Variants in TMEM225B observed in about 807,000 individuals in gnomAD.
TMEM225B encodes the protein transmembrane protein 225-like.
In TMEM225B, 10 loss-of-function variants were observed where a neutral mutation model predicts 16.9. The ratio of observed to expected loss-of-function variants is 0.59; its 90% CI spans 0.36 to 1.00. TMEM225B has a LOEUF of 1.00. Among genes scored for constraint, TMEM225B ranks in the 50% least tolerant of loss-of-function variants. The pLI, the probability that TMEM225B is intolerant of heterozygous loss-of-function variation, is 0.01. For synonymous variants in TMEM225B, 92 were observed against 109.8 expected, an observed-to-expected ratio of 0.84 and a Z score of 1.01; for missense variants, 217 against 267.0, an observed-to-expected ratio of 0.81 and a Z score of 1.30.
At chr7:99,603,224 C>T (rs750424970) in intron 2 of TMEM225B, among the ~76,000 whole-genome samples, 2 of 152,190 alleles carry the variant, frequency 1.3e-5, no homozygotes, top group Non-Finnish European at 2.9e-5. Context: ...GACCTCTCCC[C>T]ACCTAAACCC....
rs571911250 is a variant in TMEM225B at position 99,610,354 on chromosome 7, A to G, written c.494-39A>G. ...TGACCTCTAGGGCGTGGAGCTCTGG[A>G]CTTTCTCTGACCTGACCCAAACGTT... On this transcript the variant is annotated intron_variant, in intron 5 of 5. Coordinates refer to ENST00000431679, the MANE Select transcript of TMEM225B (RefSeq NM_001195541.3). 2.4e-5 allele frequency: 36 copies of G among 1,518,134 alleles called. No homozygotes were observed. In the African/African-American group the frequency reaches 4.5e-4, roughly 19 times the overall value. The allele number at this position is 1,518,134 out of a possible 1,614,324, so 94.0% of individuals were successfully genotyped here.
Position 99,604,146 on chromosome 7 carries a change from C to A in TMEM225B, c.-3-240C>A, listed in dbSNP as rs571671730. 4.6e-5 allele frequency among the ~76,000 whole-genome samples: 7 copies of A among 152,268 alleles called. No individual in the cohort carries two copies. In the East Asian group the frequency reaches 1.3e-3, roughly 29 times the overall value. On this transcript the variant is annotated intron_variant, in intron 2 of 5. Transcript: ENST00000431679. Reference sequence around the variant, plus strand: ...AGAGGAAGAGGGCTCAGAGAGGGAACCTGACATGCCCAAGATCACCCAGTG... The same window carrying A: ...AGAGGAAGAGGGCTCAGAGAGGGAAACTGACATGCCCAAGATCACCCAGTG...
chr7:99,604,099 A>G (rs1224043257), intron 2 of TMEM225B, among the ~76,000 whole-genome samples: 1 of 152,204 alleles, frequency 6.6e-6, no homozygotes, highest in Non-Finnish European at 1.5e-5. Context: ...TGAATGGCCC[A>G]GTTCAACCTC....
intron 3 of TMEM225B, 108 bp downstream of exon 3, chr7:99,604,704 T>C: frequency 2.3e-6 from 2 of 877,086 alleles, no homozygotes. Context: ...AAAATCTAAT[T>C]AGCTCAGGGC....
chr7:99,598,865 C>G (rs943831494), intron 1 of TMEM225B, among the ~76,000 whole-genome samples: 1 of 152,206 alleles, frequency 6.6e-6, no homozygotes, highest in Non-Finnish European at 1.5e-5. Context: ...GGCCTAGGGT[C>G]CAGGAACCTC....
intron 5 of TMEM225B, among the ~76,000 whole-genome samples, chr7:99,609,461 T>C (rs1415831701): frequency 1.3e-5 from 2 of 152,140 alleles, no homozygotes; most frequent in South Asian, 4.1e-4. Flanking sequence ...GTTCCCGAGA[T>C]GGAGTCTTGC....
chr7:99,600,447 C>T (rs546041595), intron 2 of TMEM225B, among the ~76,000 whole-genome samples, 162 bp downstream of exon 2: 41 of 152,218 alleles, frequency 2.7e-4, no homozygotes, highest in Non-Finnish European at 5.3e-4. Flanking sequence ...AGTCTGTTCT[C>T]ATGCTGCTAA....
chr7:99,606,710 G>A (rs1204120888), intron 3 of TMEM225B, 38 bp from the exon 4 acceptor site: 3 of 1,532,196 alleles, frequency 2.0e-6, no homozygotes, highest in Non-Finnish European at 1.7e-6. Context: ...TCCGGGTCAG[G>A]GTTCCCAGCT....
In TMEM225B at chr7:99,608,839, G is replaced by GTATATATATATATATA. The variant is rs72285430; in HGVS notation, c.493+1034_493+1049dup. ...CATACATATATGTGTGTGTGTGCACGTATATATATATATATATATACACAC... is the reference window on the plus strand; with the variant it reads ...CATACATATATGTGTGTGTGTGCACGTATATATATATATATATATATATATATATATATATACACAC... On this transcript the variant is annotated intron_variant, in intron 5 of 5. Coordinates refer to ENST00000431679, the MANE Select transcript of TMEM225B (RefSeq NM_001195541.3). 3.3e-3 allele frequency among the ~76,000 whole-genome samples: 442 copies of GTATATATATATATATA among 132,510 alleles called. 4 individuals are homozygous for GTATATATATATATATA. The highest frequency in any genetic ancestry group is 8.2e-3 in the African/African-American group (268 of 32,688). 86.9% of individuals were successfully genotyped at this position (132,510 alleles called of 152,430 possible).
chr7:99,607,219 T>C (rs900604087), intron 4 of TMEM225B, among the ~76,000 whole-genome samples: 15 of 151,992 alleles, frequency 9.9e-5, no homozygotes, highest in African/African-American at 3.6e-4. Flanking sequence ...GGCCTTGAAC[T>C]CCTGGTGTCA....
chr7:99,608,128 G>A (rs149560562), intron 5 of TMEM225B, among the ~76,000 whole-genome samples: 18 of 152,244 alleles, frequency 1.2e-4, no homozygotes, highest in African/African-American at 3.1e-4. Context: ...GATGGCACAT[G>A]TCTGCAATCC....
rs138124694 is a variant in TMEM225B at position 99,603,739 on chromosome 7, C to CTT, written c.-3-640_-3-639dup. Among the ~76,000 whole-genome samples the CTT allele has an allele frequency of 4.8e-5, 7 of 147,066 alleles. No individual in the cohort carries two copies. The East Asian group carries it at 9.9e-4, about 21-fold the overall frequency. ...GAAAGCTTAGAACTTTAGTTTTTTT[C>CTT]TTTTTTTTAAATTATTTAATTTTTT... On this transcript the variant is annotated intron_variant, in intron 2 of 5. Transcript: ENST00000431679.
intron 5 of TMEM225B, 109 bp downstream of exon 5, chr7:99,607,919 C>A: frequency 8.4e-7 from 1 of 1,191,286 alleles, no homozygotes; most frequent in South Asian, 1.7e-5. Flanking sequence ...TGTTCCAAAC[C>A]GCAGCTGCCA....
intron 2 of TMEM225B, among the ~76,000 whole-genome samples, chr7:99,601,913 C>T (rs1441584235): frequency 2.0e-5 from 3 of 152,242 alleles, no homozygotes; most frequent in Admixed American, 6.5e-5. Flanking sequence ...CCAGTGTCTG[C>T]ACTGGGCAAG....
chr7:99,600,533 C>T (rs1805272871), intron 2 of TMEM225B, among the ~76,000 whole-genome samples: 1 of 152,194 alleles, frequency 6.6e-6, no homozygotes, highest in African/African-American at 2.4e-5. Flanking sequence ...CTGCAGAGGC[C>T]TCACAATCAT....
chr7:99,607,740 C>A lies in TMEM225B; in HGVS notation c.423C>A (p.Gly141=), dbSNP rs535511748. ...LEIKALRMKL[G]PLQFSVLWPY... Reference sequence around the variant, plus strand: ...TCAAGGCTCTGAGGATGAAGCTCGGCCCCCTGCAGTTCTCCGTGCTGTGGC... The same window carrying A: ...TCAAGGCTCTGAGGATGAAGCTCGGACCCCTGCAGTTCTCCGTGCTGTGGC... Residue 141 remains glycine, a synonymous_variant, in exon 5 of 6, where the codon GGC becomes GGA. Transcript: ENST00000431679. 5 of 1,535,952 alleles carry A rather than the reference C, an allele frequency of 3.3e-6. No individual in the cohort carries two copies. The highest frequency in any genetic ancestry group is 3.5e-6 in the Non-Finnish European group (4 of 1,146,912).
intron 1 of TMEM225B, among the ~76,000 whole-genome samples, chr7:99,599,265 G>A: frequency 6.6e-6 from 1 of 151,498 alleles, no homozygotes; most frequent in South Asian, 2.1e-4. Context: ...GTGAGCCACC[G>A]CACCCGGCCC....
At chr7:99,606,694 G>T (rs1422761655) in intron 3 of TMEM225B, 54 bp from the exon 4 acceptor site, 4 of 1,520,776 alleles carry the variant, frequency 2.6e-6, no homozygotes, top group South Asian at 2.4e-5. Context: ...GAGGGACTCT[G>T]ACCTTTCCGG....
rs570448756 is a variant in TMEM225B at position 99,606,884 on chromosome 7, C to T, written c.345C>T (p.Ser115=). The T allele has an allele frequency of 1.3e-6, 2 of 1,536,168 alleles. No individual in the cohort carries two copies. The highest frequency in any genetic ancestry group is 1.7e-6 in the Non-Finnish European group (2 of 1,146,918). The change falls in exon 4 of 6, where the codon AGC becomes AGT. Residue 115 remains serine, a synonymous_variant. Coordinates refer to ENST00000431679, the MANE Select transcript of TMEM225B (RefSeq NM_001195541.3). ...WKQNFVLACI[S]FFTGACAFLA... ...AAAACTTTGTGTTAGCCTGCATCAG[C>T]TTCTTCACAGGTGTGGAACAGCTAG... is the stretch of plus-strand genomic sequence containing the variant.
Sources: gnomAD v4.1 joint callset for allele counts (sites outside exome capture counted in the v4.1 genomes callset) on GRCh38, gnomAD v4.1.1 for gene constraint, MANE v1.5 for transcripts, NCBI Gene and HGNC (gene_info 2026-07-23, HGNC 2026-07-21) for gene names.